PDE1A: variants seen among roughly 807,000 people sequenced by gnomAD.
The protein encoded by PDE1A is dual specificity calcium/calmodulin-dependent 3',5'-cyclic nucleotide phosphodiesterase 1A.
Under a neutral mutation model 61.7 loss-of-function variants are expected in PDE1A, and 35 were observed. The observed-to-expected ratio is 0.57, with a 90% CI of 0.43 to 0.75. The LOEUF (loss-of-function observed/expected upper bound fraction) is 0.75. Ranked by LOEUF, PDE1A falls within the 30% of genes least tolerant of loss-of-function variation. The pLI, the probability that PDE1A is intolerant of heterozygous loss-of-function variation, is 0.00. For missense variants in PDE1A, 597 were observed against 630.6 expected, an observed-to-expected ratio of 0.95 and a Z score of 0.57; for synonymous variants, 232 against 213.2, an observed-to-expected ratio of 1.09 and a Z score of -0.77.
At chr2:182,459,642 G>T (rs1686148448) in intron 2 of PDE1A, among the ~76,000 whole-genome samples, 1 of 152,042 alleles carries the variant, frequency 6.6e-6, no homozygotes, top group African/African-American at 2.4e-5. Flanking sequence ...CTAAGCCTAG[G>T]CCCCTAAAGA....
At chr2:182,344,355 C>T (rs974160692) in intron 1 of PDE1A, among the ~76,000 whole-genome samples, 3 of 152,010 alleles carry the variant, frequency 2.0e-5, no homozygotes, top group Non-Finnish European at 4.4e-5. Context: ...TATAAGTATA[C>T]ACAAATACAT....
At chr2:182,331,218 G>A (rs1028726562) in intron 1 of PDE1A, among the ~76,000 whole-genome samples, 10 of 152,118 alleles carry the variant, frequency 6.6e-5, no homozygotes, top group African/African-American at 2.2e-4. Flanking sequence ...TGACGCTGAG[G>A]AAATTACTTA....
the PDE1A span, among the ~76,000 whole-genome samples, chr2:182,692,501 A>G: frequency 6.6e-6 from 1 of 151,632 alleles, no homozygotes; most frequent in African/African-American, 2.4e-5. Context: ...AGGGAACATC[A>G]CACACTGGGG....
chr2:182,262,704 AT>A (rs1287429068), intron 2 of PDE1A, among the ~76,000 whole-genome samples: 10 of 152,054 alleles, frequency 6.6e-5, no homozygotes, highest in African/African-American at 2.4e-4. Flanking sequence ...AAAAATTCTC[AT>A]TGTCAAATAT....
At chr2:182,354,312 C>T (rs2125121407) in intron 1 of PDE1A, among the ~76,000 whole-genome samples, 1 of 152,216 alleles carries the variant, frequency 6.6e-6, no homozygotes, top group East Asian at 1.9e-4. Flanking sequence ...GACATTCCAC[C>T]ACTATAGAAT....
At chr2:182,160,672 G>C (rs1691331010) in intron 13 of PDE1A, among the ~76,000 whole-genome samples, 1 of 152,082 alleles carries the variant, frequency 6.6e-6, no homozygotes, top group African/African-American at 2.4e-5. Context: ...CACACTACCG[G>C]CTTCTCTCAA....
the PDE1A span, among the ~76,000 whole-genome samples, chr2:182,561,000 G>T: frequency 1.3e-5 from 2 of 149,416 alleles, no homozygotes; most frequent in African/African-American, 2.4e-5. Flanking sequence ...CTCCCATTTT[G>T]TAGGTTGCCT....
At chr2:182,221,446 T>A (rs768734818) in intron 7 of PDE1A, among the ~76,000 whole-genome samples, 30 of 152,078 alleles carry the variant, frequency 2.0e-4, no homozygotes, top group Non-Finnish European at 4.4e-4. Context: ...ATCTGCATAG[T>A]CTTGTTTTCC....
At chr2:182,284,456 A>C (rs1024347081) in intron 1 of PDE1A, among the ~76,000 whole-genome samples, 2 of 152,138 alleles carry the variant, frequency 1.3e-5, no homozygotes, top group Non-Finnish European at 2.9e-5. Context: ...AATTTGGAGA[A>C]GCATTGGCTA....
At chr2:182,559,215 A>C in the PDE1A span, among the ~76,000 whole-genome samples, 8,175 of 152,266 alleles carry the variant, frequency 0.054, 271 homozygotes, top group Middle Eastern at 0.099. Flanking sequence ...AAAATCTCCA[A>C]AGTTAACTTT....
At chr2:182,314,811 CTT>C (rs10586379) in intron 1 of PDE1A, among the ~76,000 whole-genome samples, 105,592 of 151,262 alleles carry the variant, frequency 0.7, 37,615 homozygotes, top group Middle Eastern at 0.8. Flanking sequence ...AAAATGTATA[CTT>C]TTTATGCATG....
intron 7 of PDE1A, among the ~76,000 whole-genome samples, chr2:182,221,061 C>A (rs1291002820): frequency 6.6e-6 from 1 of 151,806 alleles, no homozygotes; most frequent in Non-Finnish European, 1.5e-5. Context: ...CTTTTTCCTT[C>A]TCTGCCCCCA....
intron 2 of PDE1A, among the ~76,000 whole-genome samples, chr2:182,474,319 G>T (rs1306909100): frequency 6.6e-6 from 1 of 151,874 alleles, no homozygotes; most frequent in Non-Finnish European, 1.5e-5. Context: ...TTTATCAAAT[G>T]AAAGGACCCA....
intron 1 of PDE1A, among the ~76,000 whole-genome samples, chr2:182,364,752 G>A (rs1329718716): frequency 6.6e-6 from 1 of 151,674 alleles, no homozygotes. Context: ...TTCAAACATG[G>A]AACGTGTTTT....
intron 1 of PDE1A, among the ~76,000 whole-genome samples, chr2:182,405,021 G>A (rs1209783353): frequency 6.6e-6 from 1 of 152,156 alleles, no homozygotes; most frequent in Non-Finnish European, 1.5e-5. Context: ...AACTGGCAGT[G>A]CAGTAGGTTT....
At chr2:182,541,359 A>G in the PDE1A span, among the ~76,000 whole-genome samples, 1 of 152,192 alleles carries the variant, frequency 6.6e-6, no homozygotes, top group Non-Finnish European at 1.5e-5. Context: ...TATAAATAAA[A>G]AGCCAACAGA....
chr2:182,381,516 T>C (rs953807298), intron 1 of PDE1A, among the ~76,000 whole-genome samples: 2 of 152,120 alleles, frequency 1.3e-5, no homozygotes, highest in Non-Finnish European at 2.9e-5. Flanking sequence ...ACAAGTTGCT[T>C]ATAAACGTTA....
At chr2:182,548,883 T>C in the PDE1A span, among the ~76,000 whole-genome samples, 21 of 152,338 alleles carry the variant, frequency 1.4e-4, no homozygotes, top group Non-Finnish European at 3.1e-4. Context: ...TCCTAAAGAA[T>C]GTTCCATGTG....
At chr2:182,549,895 T>C in the PDE1A span, among the ~76,000 whole-genome samples, 4 of 152,194 alleles carry the variant, frequency 2.6e-5, no homozygotes, top group African/African-American at 9.6e-5. Flanking sequence ...GATATACAAA[T>C]GAAATCAGGA....
Sources: allele counts gnomAD v4.1 joint callset (sites outside exome capture counted in the v4.1 genomes callset), GRCh38; gene constraint gnomAD v4.1.1; transcripts MANE v1.5; gene names NCBI Gene and HGNC (gene_info 2026-07-23, HGNC 2026-07-21).